Variants in ADRA1D observed in about 807,000 individuals in gnomAD.
The protein encoded by ADRA1D is adrenoceptor alpha 1D.
Under a neutral mutation model 18.6 loss-of-function variants are expected in ADRA1D, and 22 were observed. The observed-to-expected ratio is 1.19, with a 90% CI of 0.85 to 1.69. The LOEUF is 1.69. Ranked by LOEUF, ADRA1D falls within the 40% of genes most tolerant of loss-of-function variation. ADRA1D has a pLI of 0.00. For synonymous variants in ADRA1D, 376 were observed against 388.2 expected (o/e 0.97, Z 0.37); for missense variants, 840 against 840.7 (o/e 1.00, Z 0.01).
At chr20:4,224,340 T>C (rs1313371046) in intron 1 of ADRA1D, among the ~76,000 whole-genome samples, 1 of 151,998 alleles carries the variant, frequency 6.6e-6, no homozygotes, top group African/African-American at 2.4e-5. Flanking sequence ...CCAGGGAGGA[T>C]GGGGCAGGGG....
intron 1 of ADRA1D, among the ~76,000 whole-genome samples, chr20:4,235,065 G>A (rs899365822): frequency 6.6e-6 from 1 of 152,168 alleles, no homozygotes; most frequent in Non-Finnish European, 1.5e-5. Flanking sequence ...AGGGCACCGT[G>A]GGCCTGCTAT....
chr20:4,248,693 C>T lies in ADRA1D; in HGVS notation c.265G>A (p.Gly89Arg). 6.3e-7 allele frequency: 1 copy of T among 1,579,388 alleles called. No homozygotes were observed. The highest frequency in any genetic ancestry group is 8.6e-7 in the Non-Finnish European group (1 of 1,163,896). Residue 89 changes from glycine (G) to arginine (R), a missense_variant, in exon 1 of 2, where the codon GGA becomes AGA. By Grantham distance (125) the Gly-to-Arg change is moderately radical (BLOSUM62 -2). Coordinates refer to ENST00000379453, the MANE Select transcript of ADRA1D (RefSeq NM_000678.4). ...GDVNGTAAVG[G>R]LVVSAQGVGV... ...ACGCCCTGCGCGCTCACCACCAGTC[C>T]CCCGACGGCCGCCGTGCCATTCACG...
rs1307462680 is a variant in ADRA1D, at chr20:4,249,095, G to A, written c.-138C>T. ...GTCGGGGTCCTGCCCAAGTTCCTGT[G>A]ACGCGGAGCGCGGCTGTCCGAGAGC... On this transcript the variant is annotated 5_prime_UTR_variant, in exon 1 of 2. Coordinates refer to ENST00000379453, the MANE Select transcript of ADRA1D (RefSeq NM_000678.4). The A allele has an allele frequency of 4.3e-6, 3 of 692,542 alleles. No homozygotes were observed. The highest frequency in any genetic ancestry group is 6.6e-4 in the Middle Eastern group (1 of 1,510). The allele number at this position is 692,542 out of a possible 1,614,324, so 42.9% of individuals were successfully genotyped here.
chr20:4,240,624 T>C (rs182291015), intron 1 of ADRA1D, among the ~76,000 whole-genome samples: 2 of 152,134 alleles, frequency 1.3e-5, no homozygotes, highest in Admixed American at 1.3e-4. Flanking sequence ...TGAAACCCCG[T>C]CTCTACTAAA....
In ADRA1D at chr20:4,249,115, G is replaced by A; in HGVS notation, c.-158C>T. 2 of 564,310 alleles carry A rather than the reference G, an allele frequency of 3.5e-6. No homozygotes were observed. The highest frequency in any genetic ancestry group is 4.7e-6 in the Non-Finnish European group (2 of 427,332). The allele number at this position is 564,310 out of a possible 1,614,324, so 35.0% of individuals were successfully genotyped here. On this transcript the variant is annotated 5_prime_UTR_variant, in exon 1 of 2. Transcript: ENST00000379453. Reference sequence around the variant, plus strand: ...CCTGTGACGCGGAGCGCGGCTGTCCGAGAGCGGAGCTGCCTGGCCCGGGCG... The same window carrying A: ...CCTGTGACGCGGAGCGCGGCTGTCCAAGAGCGGAGCTGCCTGGCCCGGGCG...
intron 1 of ADRA1D, among the ~76,000 whole-genome samples, chr20:4,247,312 C>G (rs923660949): frequency 6.6e-6 from 1 of 152,190 alleles, no homozygotes; most frequent in Admixed American, 6.5e-5. Context: ...AATGAGAACT[C>G]GGGGCACTCA....
chr20:4,233,987 C>T (rs1255385308), intron 1 of ADRA1D, among the ~76,000 whole-genome samples: 2 of 152,304 alleles, frequency 1.3e-5, no homozygotes, highest in Admixed American at 1.3e-4. Context: ...ATTGGGGTGC[C>T]CGTGTCAGGA....
intron 1 of ADRA1D, among the ~76,000 whole-genome samples, chr20:4,232,780 C>T (rs1452990106): frequency 6.6e-6 from 1 of 152,180 alleles, no homozygotes; most frequent in Non-Finnish European, 1.5e-5. Flanking sequence ...CAACTGGGTC[C>T]ATGACACCTG....
At chr20:4,237,359 C>T (rs1390946078) in intron 1 of ADRA1D, among the ~76,000 whole-genome samples, 1 of 151,932 alleles carries the variant, frequency 6.6e-6, no homozygotes, top group African/African-American at 2.4e-5. Context: ...CACGACTGCA[C>T]CCCAGCCTGG....
At chr20:4,243,741 T>C (rs1372261146) in intron 1 of ADRA1D, among the ~76,000 whole-genome samples, 1 of 152,088 alleles carries the variant, frequency 6.6e-6, no homozygotes, top group Admixed American at 6.5e-5. Context: ...AGCAGCTTCC[T>C]GGGGGTCCCA....
chr20:4,233,885 C>T (rs900089616), intron 1 of ADRA1D, among the ~76,000 whole-genome samples: 12 of 152,146 alleles, frequency 7.9e-5, no homozygotes, highest in African/African-American at 7.2e-5. Context: ...AACTCCTGCC[C>T]GCTCCTCTCT....
At chr20:4,246,456 T>C (rs1832844861) in intron 1 of ADRA1D, among the ~76,000 whole-genome samples, 3 of 151,960 alleles carry the variant, frequency 2.0e-5, no homozygotes, top group African/African-American at 7.3e-5. Flanking sequence ...TCGGAGAGAA[T>C]AGCAAGTGCA....
chr20:4,221,656 G>C lies in ADRA1D; in HGVS notation c.1586C>G (p.Ala529Gly). The C allele has an allele frequency of 2.5e-6, 4 of 1,612,830 alleles. No individual in the cohort carries two copies. The highest frequency in any genetic ancestry group is 3.4e-6 in the Non-Finnish European group (4 of 1,179,630). ...TGAGCGCTGGGCGCACGCTGCCTCT[G>C]CGCGCTGCGCGCCCCCGGCGCGGAT... ...HKIRAGGAQR[A>G]EAACAQRSEV... is the part of the protein sequence containing the mutation. Residue 529 changes from alanine (A) to glycine (G), a missense_variant, in exon 2 of 2, where the codon GCA (alanine) becomes GGA (glycine). Coordinates refer to ENST00000379453, the MANE Select transcript of ADRA1D (RefSeq NM_000678.4).
intron 1 of ADRA1D, among the ~76,000 whole-genome samples, chr20:4,232,552 G>C (rs748093366): frequency 1.2e-4 from 18 of 152,190 alleles, no homozygotes; most frequent in Non-Finnish European, 2.5e-4. Flanking sequence ...TAGCTGGAGA[G>C]AGTATCAGAA....
chr20:4,223,296 G>A (rs1980717945), intron 1 of ADRA1D, among the ~76,000 whole-genome samples: 1 of 152,156 alleles, frequency 6.6e-6, no homozygotes, highest in African/African-American at 2.4e-5. Flanking sequence ...TATTTTGATG[G>A]CTTTTCCAAT....
At chr20:4,235,245 T>A (rs1981062273) in intron 1 of ADRA1D, among the ~76,000 whole-genome samples, 1 of 152,174 alleles carries the variant, frequency 6.6e-6, no homozygotes, top group Admixed American at 6.5e-5. Context: ...GACTCCCTTC[T>A]GTAGCTGAGG....
In ADRA1D at chr20:4,221,180, C is replaced by CG; in HGVS notation, c.*342_*343insC. On this transcript the variant is annotated 3_prime_UTR_variant, in exon 2 of 2. Transcript: ENST00000379453. ...TCCCAGAAGAGGAGGGGCAGGCCTT[C>CG]CTGGCCATGCTTGGGGCTGTCTACT... 1 of 200,884 alleles carries CG rather than the reference C, an allele frequency of 5.0e-6. No homozygotes were observed. The highest frequency in any genetic ancestry group is 1.1e-4 in the East Asian group (1 of 8,768). 12.4% of individuals were successfully genotyped at this position (200,884 alleles called of 1,614,324 possible).
At chr20:4,235,610 C>G (rs1335793046) in intron 1 of ADRA1D, among the ~76,000 whole-genome samples, 4 of 152,250 alleles carry the variant, frequency 2.6e-5, no homozygotes, top group Non-Finnish European at 2.9e-5. Flanking sequence ...TCTGGGGCCA[C>G]ACTGACAAAT....
intron 1 of ADRA1D, among the ~76,000 whole-genome samples, chr20:4,224,439 T>C (rs987202505): frequency 3.9e-5 from 6 of 152,158 alleles, no homozygotes; most frequent in African/African-American, 1.4e-4. Context: ...AAGGTCATTT[T>C]TCCAGAAAGG....
Sources: gnomAD v4.1 joint callset for allele counts (sites outside exome capture counted in the v4.1 genomes callset) on GRCh38, gnomAD v4.1.1 for gene constraint, MANE v1.5 for transcripts, NCBI Gene and HGNC (gene_info 2026-07-23, HGNC 2026-07-21) for gene names.